Variants in THSD7A observed in about 807,000 individuals in gnomAD.
THSD7A encodes thrombospondin type-1 domain-containing protein 7A.
Under a neutral mutation model 231.3 loss-of-function variants are expected in THSD7A, and 96 were observed. The observed-to-expected ratio is 0.41, with a 90% CI of 0.35 to 0.49. The LOEUF (loss-of-function observed/expected upper bound fraction) is 0.49, where lower values mean the gene tolerates loss of function less well. Ranked by LOEUF, THSD7A falls within the 20% of genes least tolerant of loss-of-function variation. The probability of loss-of-function intolerance (pLI) is 0.05; values close to 1 mark genes in which losing one functional copy is unlikely to be tolerated. For synonymous variants in THSD7A, 940 were observed against 743.3 expected, an observed-to-expected ratio of 1.26 and a Z score of -4.30; for missense variants, 2,290 against 2,070.2, an observed-to-expected ratio of 1.11 and a Z score of -2.06.
chr7:11,798,254 G>A (rs982114320), intron 1 of THSD7A, among the ~76,000 whole-genome samples: 2 of 152,084 alleles, frequency 1.3e-5, no homozygotes, highest in Admixed American at 1.3e-4. Context: ...AGGATCACTT[G>A]AGGTCAAGAG....
intron 1 of THSD7A, among the ~76,000 whole-genome samples, chr7:11,763,551 A>G (rs1782932163): frequency 6.6e-6 from 1 of 152,202 alleles, no homozygotes; most frequent in African/African-American, 2.4e-5. Context: ...TGTATTTTAC[A>G]TATACCTAAA....
Position 11,406,947 on chromosome 7 carries a change from C to T in THSD7A, c.4025G>A (p.Arg1342Gln), listed in dbSNP as rs148939821. 1,611 of 1,613,794 alleles carry T rather than the reference C, an allele frequency of 1.0e-3. 9 individuals carry two copies. The African/African-American group carries it at 0.015, about 15-fold the overall frequency. The change falls in exon 21 of 28, where the codon CGG becomes CAG. Residue 1342 changes from arginine (R) to glutamine (Q), a missense_variant. Arg to Gln is a conservative substitution (Grantham distance 43). Coordinates refer to ENST00000423059, the MANE Select transcript of THSD7A (RefSeq NM_015204.3). The surrounding 1 kb of genome is among the most constrained non-coding windows in gnomAD (Gnocchi z 4.7). The stretch of plus-strand genomic sequence containing the variant: ...TGGAGACCACTGGCCATATTGCCAC[C>T]GATAACAAGGCTTCACTGGGCAGGG... ...SKPCPVKPCY[R>Q]WQYGQWSPCQ... is the part of the protein sequence containing the mutation.
intron 1 of THSD7A, among the ~76,000 whole-genome samples, chr7:11,719,414 C>T (rs571884186): frequency 1.1e-4 from 17 of 151,792 alleles, no homozygotes; most frequent in Non-Finnish European, 1.9e-4. Context: ...TCATAAACTC[C>T]TTTGAAGCTC....
intron 1 of THSD7A, among the ~76,000 whole-genome samples, chr7:11,648,479 T>C (rs1782367623): frequency 6.6e-6 from 1 of 152,006 alleles, no homozygotes; most frequent in Non-Finnish European, 1.5e-5. Flanking sequence ...CAATGCTCCG[T>C]TTCTGTTGTA....
intron 8 of THSD7A, among the ~76,000 whole-genome samples, chr7:11,471,963 C>T (rs1562636746): frequency 1.3e-5 from 2 of 152,024 alleles, no homozygotes; most frequent in Admixed American, 6.6e-5. Context: ...CAGATATTAG[C>T]CCTGAATAAA....
chr7:11,517,372 C>T (rs1249598186), intron 6 of THSD7A, among the ~76,000 whole-genome samples: 1 of 152,026 alleles, frequency 6.6e-6, no homozygotes, highest in Non-Finnish European at 1.5e-5. Flanking sequence ...GCCACCATGC[C>T]CGGCCCCCAT....
intron 4 of THSD7A, among the ~76,000 whole-genome samples, chr7:11,564,831 A>G (rs1790236086): frequency 6.6e-6 from 1 of 152,222 alleles, no homozygotes; most frequent in African/African-American, 2.4e-5. Context: ...AAATAAACAT[A>G]TGTCAGATAA....
chr7:11,703,690 T>G (rs2128145731), intron 1 of THSD7A, among the ~76,000 whole-genome samples: 1 of 151,428 alleles, frequency 6.6e-6, no homozygotes, highest in Non-Finnish European at 1.5e-5. Flanking sequence ...CTGACTGTAC[T>G]TTGACCTTCT....
intron 6 of THSD7A, among the ~76,000 whole-genome samples, chr7:11,535,312 G>A (rs1201189697): frequency 6.6e-6 from 1 of 152,056 alleles, no homozygotes; most frequent in Non-Finnish European, 1.5e-5. Context: ...CAAGTGTATT[G>A]TAATACATAC....
intron 1 of THSD7A, chr7:11,821,141 AT>A: frequency 1.8e-6 from 2 of 1,097,332 alleles, no homozygotes; most frequent in Non-Finnish European, 2.8e-6. Context: ...CTATTTAGGT[AT>A]TTAGTAAAGT....
intron 12 of THSD7A, 48 bp downstream of exon 12, chr7:11,447,182 T>A (rs1474602956): frequency 1.3e-6 from 2 of 1,561,936 alleles, no homozygotes; most frequent in Non-Finnish European, 1.8e-6. Flanking sequence ...TTGTATTATG[T>A]TCCTCTACTT....
intron 22 of THSD7A, among the ~76,000 whole-genome samples, chr7:11,403,629 T>C (rs991071382): frequency 3.3e-5 from 5 of 152,212 alleles, no homozygotes; most frequent in Admixed American, 2.6e-4. Context: ...ACATACCTTT[T>C]CACCAGTAGG....
chr7:11,381,095 C>T (rs1181565202), intron 24 of THSD7A, among the ~76,000 whole-genome samples: 1 of 152,090 alleles, frequency 6.6e-6, no homozygotes, highest in Non-Finnish European at 1.5e-5. Flanking sequence ...AGAATGGAGA[C>T]ATTCGTTTCC....
At chr7:11,545,154 A>C (rs6460821) in intron 4 of THSD7A, among the ~76,000 whole-genome samples, 43,566 of 152,076 alleles carry the variant, frequency 0.29, 7,265 homozygotes, top group African/African-American at 0.47. Flanking sequence ...GCAAATTAAC[A>C]TAAGTAATGA....
chr7:11,548,714 A>G (rs563756874), intron 4 of THSD7A, among the ~76,000 whole-genome samples: 2 of 152,264 alleles, frequency 1.3e-5, no homozygotes, highest in East Asian at 3.9e-4. Flanking sequence ...ATATACACAA[A>G]TAAATATGAT....
At chr7:11,543,199 G>A in intron 4 of THSD7A, 82 bp from the exon 5 acceptor site, 1 of 1,293,502 alleles carries the variant, frequency 7.7e-7, no homozygotes, top group Non-Finnish European at 1.1e-6. Context: ...TGTGTGTATG[G>A]AAAAGGAAAA....
Position 11,794,927 on chromosome 7 carries a change from T to C in THSD7A, c.190+36830A>G, listed in dbSNP as rs185614140. On this transcript the variant is annotated intron_variant, in intron 1 of 27. Coordinates refer to ENST00000423059, the MANE Select transcript of THSD7A (RefSeq NM_015204.3). ...AGAAACAGGATTTCATTTTTCTAAG[T>C]ATGCAGAACAATGAAATAAATTATA... 6.8e-3 allele frequency among the ~76,000 whole-genome samples: 1,039 copies of C among 152,140 alleles called. 5 individuals are homozygous for C. The highest frequency in any genetic ancestry group is 0.011 in the Non-Finnish European group (722 of 67,934).
At chr7:11,457,794 G>A (rs1373535100) in intron 11 of THSD7A, among the ~76,000 whole-genome samples, 3 of 152,014 alleles carry the variant, frequency 2.0e-5, no homozygotes, top group African/African-American at 7.2e-5. Context: ...TTAGCTTATA[G>A]AATTGATCTT....
chr7:11,506,246 C>T (rs531048482), intron 6 of THSD7A, among the ~76,000 whole-genome samples: 1 of 152,280 alleles, frequency 6.6e-6, no homozygotes, highest in South Asian at 2.1e-4. Flanking sequence ...CTGCCTCAAC[C>T]TCCTAAAATG....
Sources: gnomAD v4.1 joint callset for allele counts (sites outside exome capture counted in the v4.1 genomes callset) on GRCh38, gnomAD v4.1.1 for gene constraint, Gnocchi (gnomAD v3.1) non-coding constraint, MANE v1.5 for transcripts, NCBI Gene and HGNC (gene_info 2026-07-23, HGNC 2026-07-21) for gene names.